Variants in SLC25A14 observed in about 807,000 individuals in gnomAD.
The protein encoded by SLC25A14 is brain mitochondrial carrier protein 1.
SLC25A14 carries 8 observed loss-of-function variants against 28.1 expected under a neutral mutation model. That is an observed-to-expected ratio of 0.28 (90% CI 0.17 to 0.51). SLC25A14 has a LOEUF of 0.51. Ranked by LOEUF, SLC25A14 falls within the 20% of genes least tolerant of loss-of-function variation. SLC25A14 has a pLI of 0.97. For synonymous variants in SLC25A14, 74 were observed against 90.6 expected, an observed-to-expected ratio of 0.82 and a Z score of 1.04; for missense variants, 135 against 263.8, an observed-to-expected ratio of 0.51 and a Z score of 3.38.
chrX:130,364,824 T>C, intron 8 of SLC25A14, 72 bp downstream of exon 8: 1 of 1,164,154 alleles, frequency 8.6e-7, no homozygotes, highest in Middle Eastern at 2.4e-4. Context: ...ACTGAAATCC[T>C]CAGGTGGAAT....
chrX:130,365,485 G>C, intron 8 of SLC25A14, 56 bp from the exon 9 acceptor site: 1 of 1,201,278 alleles, frequency 8.3e-7, no homozygotes, highest in Non-Finnish European at 1.1e-6. Context: ...CCTAATTTCT[G>C]TTTAAGTGGG....
chrX:130,345,049 T>C, intron 2 of SLC25A14, 133 bp from the exon 3 acceptor site: 1 of 471,720 alleles, frequency 2.1e-6, no homozygotes, highest in Non-Finnish European at 3.7e-6. Flanking sequence ...CCCATTTTTG[T>C]GTCATTCCAC....
rs1407730165 is a variant in SLC25A14 at position 130,344,973 on chromosome X, C to T, written c.76-209C>T. On this transcript the variant is annotated intron_variant, in intron 2 of 10. Coordinates refer to ENST00000545805, the MANE Select transcript of SLC25A14 (RefSeq NM_001282195.2). ...CAGGTTGATCTCTGAGTGAATCACA[C>T]GCCTACCCCTACAAAATGTCAGTAA... Among the ~76,000 whole-genome samples, 5 of 111,576 alleles carry T rather than the reference C, an allele frequency of 4.5e-5. No homozygotes were observed. In the East Asian group the frequency reaches 8.4e-4, roughly 19 times the overall value.
At chrX:130,352,478 T>A (rs2033647796) in intron 6 of SLC25A14, among the ~76,000 whole-genome samples, 1 of 112,339 alleles carries the variant, frequency 8.9e-6, no homozygotes, top group South Asian at 3.7e-4. Flanking sequence ...TGTTTTAAGT[T>A]CCTTGAGAAG....
intron 9 of SLC25A14, among the ~76,000 whole-genome samples, chrX:130,369,759 G>A (rs1412447304): frequency 1.8e-5 from 2 of 111,839 alleles, no homozygotes; most frequent in Non-Finnish European, 3.8e-5. Context: ...TAGTGTGGCT[G>A]AGTGTGTGGT....
intron 5 of SLC25A14, 84 bp downstream of exon 5, chrX:130,349,429 C>A: frequency 1.8e-6 from 1 of 550,549 alleles, no homozygotes; most frequent in Non-Finnish European, 3.0e-6. Context: ...TCATGAGGTG[C>A]CTGAGAATGG....
At chrX:130,340,080 G>C (rs1178542808) in intron 1 of SLC25A14, 27 bp from the exon 2 acceptor site, 1 of 1,046,198 alleles carries the variant, frequency 9.6e-7, no homozygotes, top group African/African-American at 1.9e-5. Flanking sequence ...GGGGCTTAAC[G>C]GTCCTCTGGT....
intron 6 of SLC25A14, among the ~76,000 whole-genome samples, chrX:130,354,315 G>T (rs1213460645): frequency 9.1e-6 from 1 of 110,479 alleles, no homozygotes; most frequent in Non-Finnish European, 1.9e-5. Context: ...GGGTTTCACC[G>T]TGTTAGCCAG....
chrX:130,365,459 TAC>T, intron 8 of SLC25A14, 80 bp from the exon 9 acceptor site: 1 of 1,180,362 alleles, frequency 8.5e-7, no homozygotes, highest in South Asian at 2.0e-5. Flanking sequence ...AGTTATATTG[TAC>T]AGTTTACGTT....
intron 3 of SLC25A14, among the ~76,000 whole-genome samples, chrX:130,346,211 G>T (rs2033430552): frequency 9.0e-6 from 1 of 110,551 alleles, no homozygotes; most frequent in Non-Finnish European, 1.9e-5. Context: ...GGGGCAGGAG[G>T]GAGACTGATA....
chrX:130,348,092 CA>C (rs1359349464), intron 4 of SLC25A14, among the ~76,000 whole-genome samples: 3 of 111,319 alleles, frequency 2.7e-5, no homozygotes, highest in South Asian at 3.8e-4. Flanking sequence ...TTATTTCTCA[CA>C]GTTCTGGAGG....
chrX:130,371,506 G>A (rs1346590995), intron 9 of SLC25A14, 58 bp from the exon 10 acceptor site: 2 of 879,566 alleles, frequency 2.3e-6, no homozygotes, highest in East Asian at 6.2e-5. Flanking sequence ...AGTGGAAGGT[G>A]ATGTCAAATG....
chrX:130,372,065 C>A (rs1387154382), intron 10 of SLC25A14, among the ~76,000 whole-genome samples: 1 of 112,167 alleles, frequency 8.9e-6, no homozygotes, highest in Non-Finnish European at 1.9e-5. Flanking sequence ...AGGCTTCTTT[C>A]TTCATGGGTG....
In SLC25A14 at chrX:130,352,873, T is replaced by C. The variant is rs185868538; in HGVS notation, c.498+2142T>C. Among the ~76,000 whole-genome samples, 12 of 112,671 alleles carry C rather than the reference T, an allele frequency of 1.1e-4. No homozygotes were observed. In the East Asian group the frequency reaches 3.3e-3, roughly 31 times the overall value. On this transcript the variant is annotated intron_variant, in intron 6 of 10. Transcript: ENST00000545805. Reference sequence around the variant, plus strand: ...CCCATTCTATAGGTTGTTTCTTTACTCTGTTGGTAGTTTCTTTTGTTGGAA... The same window carrying C: ...CCCATTCTATAGGTTGTTTCTTTACCCTGTTGGTAGTTTCTTTTGTTGGAA...
At chrX:130,370,331 C>A (rs899140300) in intron 9 of SLC25A14, among the ~76,000 whole-genome samples, 12 of 111,709 alleles carry the variant, frequency 1.1e-4, no homozygotes, top group Non-Finnish European at 1.5e-4. Context: ...CAAATATATC[C>A]TTTTTTTAGA....
chrX:130,342,730 A>G (rs1373437523), intron 2 of SLC25A14, among the ~76,000 whole-genome samples: 3 of 110,287 alleles, frequency 2.7e-5, no homozygotes, highest in African/African-American at 9.9e-5. Flanking sequence ...TGGTCTCCAG[A>G]TTTTTGGATT....
rs368665814 is a variant in SLC25A14 at position 130,364,624 on chromosome X, G to A, written c.595-4G>A. 6 of 1,200,348 alleles carry A rather than the reference G, an allele frequency of 5.0e-6. 1 individual carries two copies. The highest frequency in any genetic ancestry group is 2.3e-4 in the Middle Eastern group (1 of 4,313). ...TGGTGCCTAATGTCACTTGTGTTTC[G>A]TAGGGTGTGGTTCCAACTGCTCAGC... On this transcript the variant is annotated splice_region_variant and splice_polypyrimidine_tract_variant and intron_variant, in intron 7 of 10. Coordinates refer to ENST00000545805, the MANE Select transcript of SLC25A14 (RefSeq NM_001282195.2).
intron 10 of SLC25A14, among the ~76,000 whole-genome samples, 155 bp from the exon 11 acceptor site, chrX:130,372,754 G>A (rs778527040): frequency 2.7e-5 from 3 of 111,494 alleles, no homozygotes; most frequent in South Asian, 7.6e-4. Context: ...GAGCCACCGC[G>A]CCCGGCTGTC....
At chrX:130,341,627 A>C (rs948428652) in intron 2 of SLC25A14, among the ~76,000 whole-genome samples, 2 of 112,284 alleles carry the variant, frequency 1.8e-5, no homozygotes, top group Non-Finnish European at 3.8e-5. Context: ...GGACATTCTT[A>C]CTTTCACTCA....
Sources: gnomAD v4.1 joint callset for allele counts (sites outside exome capture counted in the v4.1 genomes callset) on GRCh38, gnomAD v4.1.1 for gene constraint, MANE v1.5 for transcripts, NCBI Gene and HGNC (gene_info 2026-07-23, HGNC 2026-07-21) for gene names.